IQCH: variants seen among roughly 807,000 people sequenced by gnomAD.
IQCH encodes IQ domain-containing protein H.
A neutral mutation model predicts 117.0 loss-of-function variants in IQCH; 98 were observed. The observed-to-expected ratio is 0.84, with a 90% CI of 0.71 to 0.99. The LOEUF is 0.99. Ranked by LOEUF, IQCH falls within the 50% of genes least tolerant of loss-of-function variation. IQCH has a pLI of 0.00. For missense variants in IQCH, 1,102 were observed against 1,243.8 expected (o/e 0.89, Z 1.72); for synonymous variants, 412 against 448.2 (o/e 0.92, Z 1.02).
In IQCH at chr15:67,467,706, G is replaced by A. The variant is rs1254150131; in HGVS notation, c.2676+2409G>A. On this transcript the variant is annotated intron_variant, in intron 17 of 20. Coordinates refer to ENST00000335894, the MANE Select transcript of IQCH (RefSeq NM_001031715.3). This position sits in a 1 kb window ranked among gnomAD's most constrained non-coding sequence, Gnocchi z 5.7. ...ACGCGGTACAACTCACAAGCAAATCGAAGCTTCCTGAACAAGTGTGAACAG... is the reference window on the plus strand; with the variant it reads ...ACGCGGTACAACTCACAAGCAAATCAAAGCTTCCTGAACAAGTGTGAACAG... 1.3e-5 allele frequency among the ~76,000 whole-genome samples: 2 copies of A among 152,168 alleles called. No homozygotes were observed. The highest frequency in any genetic ancestry group is 1.9e-4 in the East Asian group (1 of 5,196).
chr15:67,459,368 G>A lies in IQCH; in HGVS notation c.2506-5759G>A, dbSNP rs190583670. On this transcript the variant is annotated intron_variant, in intron 16 of 20. Transcript: ENST00000335894. This position sits in a 1 kb window ranked among gnomAD's most constrained non-coding sequence, Gnocchi z 4.2. The stretch of plus-strand genomic sequence containing the variant: ...GCCCATAGGAGAAGGGTGGCAAGAG[G>A]CAACACTAAACCCTTTGCTGAGAAC... 5.1e-4 allele frequency among the ~76,000 whole-genome samples: 77 copies of A among 152,292 alleles called. No homozygotes were observed. The highest frequency in any genetic ancestry group is 1.8e-3 in the African/African-American group (76 of 41,554).
chr15:67,482,643 A>G (rs531513813), intron 18 of IQCH, among the ~76,000 whole-genome samples: 2 of 152,354 alleles, frequency 1.3e-5, no homozygotes, highest in East Asian at 3.9e-4. Context: ...CAAAAAAGTT[A>G]TTTATTATGG....
rs927976350 is a variant in IQCH at position 67,481,902 on chromosome 15, C to A, written c.2799+6084C>A. ...CTTAAAACAACCCTTGGGCCCTCAA[C>A]TATCTACAGGCAGGAAGTGGGTGAG... On this transcript the variant is annotated intron_variant, in intron 18 of 20. Transcript: ENST00000335894. The surrounding 1 kb of genome is among the most constrained non-coding windows in gnomAD (Gnocchi z 4.1). Among the ~76,000 whole-genome samples, 2 of 152,320 alleles carry A rather than the reference C, an allele frequency of 1.3e-5. No homozygotes were observed. Among genetic ancestry groups the A allele is most frequent in the Admixed American group, 1.3e-4 (2 of 15,306 alleles).
Position 67,475,922 on chromosome 15 carries a change from C to T in IQCH, c.2799+104C>T, listed in dbSNP as rs372861179. On this transcript the variant is annotated intron_variant, in intron 18 of 20. Transcript: ENST00000335894. This position sits in a 1 kb window ranked among gnomAD's most constrained non-coding sequence, Gnocchi z 5.7. ...CTTCAGATAGATATTCTTTAAATAC[C>T]GGTTTGACGTGTCTGTAGAGGAAGG... 112 of 1,009,160 alleles carry T rather than the reference C, an allele frequency of 1.1e-4. No homozygotes were observed. The African/African-American group carries it at 1.5e-3, about 14-fold the overall frequency. The allele number at this position is 1,009,160 out of a possible 1,614,324, so 62.5% of individuals were successfully genotyped here.
intron 1 of IQCH, among the ~76,000 whole-genome samples, chr15:67,259,180 T>C (rs1291006466): frequency 6.6e-6 from 1 of 152,186 alleles, no homozygotes; most frequent in African/African-American, 2.4e-5. Flanking sequence ...TTTTACTCAT[T>C]TTATTCTTGC....
rs184206647 is a variant in IQCH, at chr15:67,431,274, T to C, written c.2505+9697T>C. Among the ~76,000 whole-genome samples, 8 of 152,374 alleles carry C rather than the reference T, an allele frequency of 5.3e-5. No individual in the cohort carries two copies. The East Asian group carries it at 1.5e-3, about 29-fold the overall frequency. Reference sequence around the variant, plus strand: ...AACAAATAGATTGGCAAAGATGCTCTATATGAAAATTCCCAAATTAAAAAA... The same window carrying C: ...AACAAATAGATTGGCAAAGATGCTCCATATGAAAATTCCCAAATTAAAAAA... On this transcript the variant is annotated intron_variant, in intron 16 of 20. Coordinates refer to ENST00000335894, the MANE Select transcript of IQCH (RefSeq NM_001031715.3). The surrounding 1 kb of genome is among the most constrained non-coding windows in gnomAD (Gnocchi z 4.8).
At chr15:67,323,862 T>C (rs964522821) in intron 4 of IQCH, among the ~76,000 whole-genome samples, 8 of 152,196 alleles carry the variant, frequency 5.3e-5, no homozygotes, top group African/African-American at 1.9e-4. Flanking sequence ...GATATTATCT[T>C]TTATATTTGC....
intron 8 of IQCH, among the ~76,000 whole-genome samples, chr15:67,362,742 G>A (rs1483361336): frequency 6.6e-6 from 1 of 152,144 alleles, no homozygotes; most frequent in Non-Finnish European, 1.5e-5. Context: ...TAGCAATAGG[G>A]GGCTGTAGGC....
At chr15:67,414,401 A>G (rs79055033) in intron 14 of IQCH, among the ~76,000 whole-genome samples, 3,242 of 152,112 alleles carry the variant, frequency 0.021, 119 homozygotes, top group African/African-American at 0.075. Context: ...CTGTGGCTGG[A>G]ACGACCTCAG....
chr15:67,350,223 G>T (rs554936305), intron 6 of IQCH, among the ~76,000 whole-genome samples: 18 of 152,228 alleles, frequency 1.2e-4, no homozygotes, highest in African/African-American at 4.1e-4. Flanking sequence ...GCACAATACA[G>T]ATGAATCCCA....
At chr15:67,389,146 G>A in intron 12 of IQCH, 140 bp downstream of exon 12, 1 of 653,524 alleles carries the variant, frequency 1.5e-6, no homozygotes, top group Non-Finnish European at 2.6e-6. Flanking sequence ...ACTACTAGTT[G>A]GTCTGTAGGA....
rs777551276 is a variant in IQCH at position 67,356,656 on chromosome 15, CT to C, written c.638-688del. ...TAACCATTTAAATAAATTTTTTGTT[CT>C]CTTTCTTGGGCTGAGTAGTATAAGG... On this transcript the variant is annotated intron_variant, in intron 6 of 20. Transcript: ENST00000335894. The surrounding 1 kb of genome is among the most constrained non-coding windows in gnomAD (Gnocchi z 5.3). Among the ~76,000 whole-genome samples the C allele has an allele frequency of 2.0e-5, 3 of 152,154 alleles. No homozygotes were observed. Among genetic ancestry groups the C allele is most frequent in the Non-Finnish European group, 4.4e-5 (3 of 68,020 alleles).
intron 4 of IQCH, among the ~76,000 whole-genome samples, chr15:67,319,284 A>G (rs149137265): frequency 2.9e-4 from 44 of 152,250 alleles, no homozygotes; most frequent in African/African-American, 2.4e-4. Flanking sequence ...TATAATATTG[A>G]CAATCCTCAT....
chr15:67,392,064 G>C (rs139085841), intron 12 of IQCH, among the ~76,000 whole-genome samples: 1 of 152,146 alleles, frequency 6.6e-6, no homozygotes, highest in Non-Finnish European at 1.5e-5. Context: ...GTGTTAACGG[G>C]GTTTGAATCC....
intron 6 of IQCH, among the ~76,000 whole-genome samples, chr15:67,345,035 A>G (rs7496209): frequency 1 from 152,052 of 152,322 alleles, 75,891 homozygotes; most frequent in Non-Finnish European, 1. Context: ...TGTTGCCCAG[A>G]CTAGAGTGCA....
chr15:67,478,348 G>A (rs11071953), intron 18 of IQCH, among the ~76,000 whole-genome samples: 129,609 of 151,852 alleles, frequency 0.85, 55,377 homozygotes, highest in Middle Eastern at 0.89. Context: ...TCGTGCCACT[G>A]CACTCCAGCC....
In IQCH at chr15:67,494,191, G is replaced by A; in HGVS notation, c.2862-67G>A. 9 of 1,100,220 alleles carry A rather than the reference G, an allele frequency of 8.2e-6. No individual in the cohort carries two copies. The highest frequency in any genetic ancestry group is 1.0e-5 in the Non-Finnish European group (8 of 778,514). The allele number at this position is 1,100,220 out of a possible 1,614,324, so 68.2% of individuals were successfully genotyped here. A position where few individuals can be genotyped will look rare whatever the true frequency, so the allele number is the denominator to read the frequency against. ...CATCACCAGACAGGCACAAATGAGA[G>A]GGCGATTGTTTTTAAGCATGTGAAG... On this transcript the variant is annotated intron_variant, in intron 19 of 20. Transcript: ENST00000335894. The surrounding 1 kb of genome is among the most constrained non-coding windows in gnomAD (Gnocchi z 5.5).
At chr15:67,256,291 T>A (rs528142155) in intron 1 of IQCH, among the ~76,000 whole-genome samples, 1 of 152,336 alleles carries the variant, frequency 6.6e-6, no homozygotes, top group East Asian at 1.9e-4. Context: ...AGCCATGATA[T>A]GTGACAATAT....
At chr15:67,286,625 T>C (rs1051577476) in intron 4 of IQCH, among the ~76,000 whole-genome samples, 2 of 151,268 alleles carry the variant, frequency 1.3e-5, no homozygotes, top group African/African-American at 4.9e-5. Context: ...TGTATTTATT[T>C]ATTGAGTAGA....
Sources: gnomAD v4.1 joint callset for allele counts (sites outside exome capture counted in the v4.1 genomes callset) on GRCh38, gnomAD v4.1.1 for gene constraint, Gnocchi (gnomAD v3.1) non-coding constraint, MANE v1.5 for transcripts, NCBI Gene and HGNC (gene_info 2026-07-23, HGNC 2026-07-21) for gene names.